MTMR12: variants seen among roughly 807,000 people sequenced by gnomAD.
MTMR12 encodes the protein myotubularin-related protein 12.
In MTMR12, 33 loss-of-function variants were observed where a neutral mutation model predicts 96.7. The observed-to-expected ratio is 0.34, with a 90% confidence interval of 0.26 to 0.46. The LOEUF (loss-of-function observed/expected upper bound fraction) is 0.46. Among genes scored for constraint, MTMR12 ranks in the 20% least tolerant of loss-of-function variants. The probability of loss-of-function intolerance (pLI) is 1.00; values close to 1 mark genes in which losing one functional copy is unlikely to be tolerated. For synonymous variants in MTMR12, 298 were observed against 327.2 expected (o/e 0.91, Z 0.96); for missense variants, 721 against 896.1 (o/e 0.80, Z 2.49).
intron 8 of MTMR12, 120 bp from the exon 9 acceptor site, chr5:32,248,998 TACTTA>T: frequency 1.4e-6 from 1 of 731,088 alleles, no homozygotes; most frequent in Non-Finnish European, 2.4e-6. Context: ...TGGCTGGACA[TACTTA>T]ACTTTATTAA....
At position 32,268,726 on chromosome 5, in the gene MTMR12, A is replaced by G. The variant is rs140259872; in HGVS notation, c.558T>C (p.Tyr186=). 7 of 1,613,800 alleles carry G rather than the reference A, an allele frequency of 4.3e-6. No homozygotes were observed. In the African/African-American group the frequency reaches 9.3e-5, roughly 22 times the overall value. ...KLLKRLFLFS[Y]ATAAQNNTVT... ...CTGTATTGTTTTGTGCAGCAGTCGCATAGGAAAACAGAAATAATCGTTTAA... is the reference window on the plus strand; with the variant it reads ...CTGTATTGTTTTGTGCAGCAGTCGCGTAGGAAAACAGAAATAATCGTTTAA... The change falls in exon 6 of 16, where the codon TAT becomes TAC. Residue 186 remains tyrosine, a synonymous_variant. Transcript: ENST00000382142.
chr5:32,233,642 C>CACA lies in MTMR12; in HGVS notation c.1674+128_1674+130dup. ...TAATGGCCCTTGACAATTTGACCAT[C>CACA]ACAAGTCTCAACTCTGCAGACTGCT... On this transcript the variant is annotated intron_variant, in intron 15 of 15. Transcript: ENST00000382142. The surrounding 1 kb of genome is among the most constrained non-coding windows in gnomAD (Gnocchi z 5.0). 1 of 1,285,598 alleles carries CACA rather than the reference C, an allele frequency of 7.8e-7. No homozygotes were observed. The highest frequency in any genetic ancestry group is 2.0e-5 in the Admixed American group (1 of 49,136). 79.6% of individuals were successfully genotyped at this position (1,285,598 alleles called of 1,614,324 possible).
At chr5:32,277,708 A>G (rs1301380141) in intron 1 of MTMR12, among the ~76,000 whole-genome samples, 1 of 148,596 alleles carries the variant, frequency 6.7e-6, no homozygotes, top group Non-Finnish European at 1.5e-5. Context: ...AAAAAAAAAG[A>G]AAAAGAAAGA....
intron 1 of MTMR12, among the ~76,000 whole-genome samples, chr5:32,287,784 A>G (rs1002085145): frequency 1.3e-5 from 2 of 152,240 alleles, no homozygotes; most frequent in African/African-American, 2.4e-5. Context: ...TATGCAAAAC[A>G]AACACATTTG....
In MTMR12 at chr5:32,243,505, C is replaced by T. The variant is rs2112007823; in HGVS notation, c.1100+16G>A. The T allele has an allele frequency of 6.3e-7, 1 of 1,584,808 alleles. No individual in the cohort carries two copies. The highest frequency in any genetic ancestry group is 2.2e-5 in the East Asian group (1 of 44,726). Reference sequence around the variant, plus strand: ...ACAATTACAAAATTCATGAGTAAAACAATGGTTTGAAATACCTGATTATGT... The same window carrying T: ...ACAATTACAAAATTCATGAGTAAAATAATGGTTTGAAATACCTGATTATGT... On this transcript the variant is annotated intron_variant, in intron 11 of 15. Transcript: ENST00000382142.
At chr5:32,295,968 A>G (rs1042319600) in intron 1 of MTMR12, among the ~76,000 whole-genome samples, 2 of 152,136 alleles carry the variant, frequency 1.3e-5, no homozygotes, top group Admixed American at 6.5e-5. Context: ...GGCCTGGCCA[A>G]TATGGTGAAA....
rs200495476 is a variant in MTMR12, at chr5:32,255,645, T to A, written c.789+48A>T. On this transcript the variant is annotated intron_variant, in intron 8 of 15. Transcript: ENST00000382142. Reference sequence around the variant, plus strand: ...TTTCAGTAGGATCATTTTGCCAGGATAGACCAATGCACAACCCACACCTTT... The same window carrying A: ...TTTCAGTAGGATCATTTTGCCAGGAAAGACCAATGCACAACCCACACCTTT... The A allele has an allele frequency of 2.3e-5, 35 of 1,508,190 alleles. No individual in the cohort carries two copies. The East Asian group carries it at 8.1e-4, about 35-fold the overall frequency. 93.4% of individuals were successfully genotyped at this position (1,508,190 alleles called of 1,614,324 possible). A position where few individuals can be genotyped will look rare whatever the true frequency, so the allele number is the denominator to read the frequency against.
intron 2 of MTMR12, among the ~76,000 whole-genome samples, chr5:32,275,715 G>T (rs182717298): frequency 6.6e-6 from 1 of 152,268 alleles, no homozygotes; most frequent in East Asian, 1.9e-4. Context: ...AATTCAGGAG[G>T]GGGGAGAATA....
chr5:32,231,279 T>C (rs928342306), intron 15 of MTMR12, among the ~76,000 whole-genome samples: 1 of 148,344 alleles, frequency 6.7e-6, no homozygotes, highest in Admixed American at 6.8e-5. Context: ...CACCCGAGGC[T>C]GAGGGAGGAG....
At chr5:32,246,400 T>C (rs1234675490) in intron 10 of MTMR12, among the ~76,000 whole-genome samples, 3 of 152,120 alleles carry the variant, frequency 2.0e-5, no homozygotes, top group Non-Finnish European at 4.4e-5. Context: ...GAACTCAAGT[T>C]ATCCGCCCGT....
intron 13 of MTMR12, among the ~76,000 whole-genome samples, chr5:32,235,839 G>A (rs1393890004): frequency 6.6e-6 from 1 of 152,166 alleles, no homozygotes; most frequent in Non-Finnish European, 1.5e-5. Context: ...TTTAGAAAGC[G>A]CTTATCCTCC....
chr5:32,243,683 T>C (rs1258172475), intron 10 of MTMR12, 84 bp from the exon 11 acceptor site: 3 of 815,918 alleles, frequency 3.7e-6, no homozygotes, highest in Admixed American at 2.1e-5. Flanking sequence ...CTCAACTGTG[T>C]CATTCAGATT....
At chr5:32,244,578 C>G (rs1748605410) in intron 10 of MTMR12, among the ~76,000 whole-genome samples, 1 of 151,746 alleles carries the variant, frequency 6.6e-6, no homozygotes, top group African/African-American at 2.4e-5. Flanking sequence ...GCAACAAGAA[C>G]AGAACTCCAT....
At chr5:32,241,920 G>T in intron 12 of MTMR12, 137 bp downstream of exon 12, 1 of 687,612 alleles carries the variant, frequency 1.5e-6, no homozygotes, top group Non-Finnish European at 2.3e-6. Context: ...GGATTCCAAG[G>T]TTAGGGAGAA....
intron 9 of MTMR12, among the ~76,000 whole-genome samples, chr5:32,248,359 T>C (rs1053335939): frequency 2.0e-5 from 3 of 152,212 alleles, no homozygotes; most frequent in Admixed American, 6.5e-5. Context: ...GATAGAACCA[T>C]GATTTGGACC....
At chr5:32,246,170 G>GGTTTTTTTTTTTTTTT (rs1554056246) in intron 10 of MTMR12, among the ~76,000 whole-genome samples, 7 of 82,770 alleles carry the variant, frequency 8.5e-5, no homozygotes, top group Non-Finnish European at 1.1e-4. Context: ...TGAGTAGACA[G>GGTTTTTTTTTTTTTTT]TTTTTTTTTT....
intron 1 of MTMR12, among the ~76,000 whole-genome samples, chr5:32,306,917 C>CTTGT (rs1401791868): frequency 6.6e-6 from 1 of 152,104 alleles, no homozygotes; most frequent in African/African-American, 2.4e-5. Flanking sequence ...TATTTTAGCC[C>CTTGT]TTGTACCCAC....
At chr5:32,279,342 G>T (rs1750191275) in intron 1 of MTMR12, among the ~76,000 whole-genome samples, 1 of 151,866 alleles carries the variant, frequency 6.6e-6, no homozygotes, top group Admixed American at 6.6e-5. Flanking sequence ...ATCACTTGAG[G>T]CCAGGAGGTC....
At chr5:32,271,738 T>C in intron 4 of MTMR12, 95 bp downstream of exon 4, 4 of 758,312 alleles carry the variant, frequency 5.3e-6, no homozygotes, top group Non-Finnish European at 5.8e-6. Flanking sequence ...TGTGAAAAAA[T>C]TTTTAAAAAT....
Sources: gnomAD v4.1 joint callset for allele counts (sites outside exome capture counted in the v4.1 genomes callset) on GRCh38, gnomAD v4.1.1 for gene constraint, Gnocchi (gnomAD v3.1) non-coding constraint, MANE v1.5 for transcripts, NCBI Gene and HGNC (gene_info 2026-07-23, HGNC 2026-07-21) for gene names.